AFF1: variants seen among roughly 807,000 people sequenced by gnomAD.
The protein encoded by AFF1 is AF4/FMR2 family member 1.
AFF1 carries 48 observed loss-of-function variants against 121.7 expected under a neutral mutation model. That is an observed-to-expected ratio of 0.39 (90% CI 0.31 to 0.50). The LOEUF (loss-of-function observed/expected upper bound fraction) is 0.50. Among genes scored for constraint, AFF1 ranks in the 20% least tolerant of loss-of-function variants. The probability of loss-of-function intolerance (pLI) is 0.76; values close to 1 mark genes in which losing one functional copy is unlikely to be tolerated. For missense variants in AFF1, 1,523 were observed against 1,511.7 expected, an observed-to-expected ratio of 1.01 and a Z score of -0.12; for synonymous variants, 613 against 563.0, an observed-to-expected ratio of 1.09 and a Z score of -1.26.
chr4:87,025,429 G>C (rs374708292), intron 2 of AFF1, among the ~76,000 whole-genome samples: 1 of 152,210 alleles, frequency 6.6e-6, no homozygotes, highest in Non-Finnish European at 1.5e-5. Context: ...CATCTCAGAC[G>C]TGCCGGTCAT....
chr4:87,007,575 T>A (rs1578046415), intron 2 of AFF1: 3 of 1,092,754 alleles, frequency 2.7e-6, no homozygotes, highest in Middle Eastern at 2.0e-4. Context: ...CTTGACTAAA[T>A]GTCAGATAAA....
intron 4 of AFF1, among the ~76,000 whole-genome samples, chr4:87,076,653 C>T (rs1722702711): frequency 6.6e-6 from 1 of 152,188 alleles, no homozygotes; most frequent in African/African-American, 2.4e-5. Context: ...TTTAGCATGG[C>T]TGTTTTTTGT....
At chr4:87,054,446 A>G (rs970536787) in intron 4 of AFF1, among the ~76,000 whole-genome samples, 1 of 152,182 alleles carries the variant, frequency 6.6e-6, no homozygotes, top group Admixed American at 6.5e-5. Flanking sequence ...TCCGTAGCTC[A>G]TGTTTTTCAT....
intron 12 of AFF1, among the ~76,000 whole-genome samples, chr4:87,123,759 A>T (rs1212837059): frequency 6.6e-6 from 1 of 152,182 alleles, no homozygotes; most frequent in Non-Finnish European, 1.5e-5. Flanking sequence ...GAGCCTACAC[A>T]TCTTAAATTA....
intron 2 of AFF1, among the ~76,000 whole-genome samples, chr4:87,022,014 C>T (rs1424633814): frequency 6.6e-6 from 1 of 152,094 alleles, no homozygotes; most frequent in East Asian, 1.9e-4. Flanking sequence ...ACCAGCCTAG[C>T]TGACATGGTG....
chr4:86,992,296 G>A (rs139013898), intron 2 of AFF1, among the ~76,000 whole-genome samples: 6 of 152,212 alleles, frequency 3.9e-5, no homozygotes, highest in African/African-American at 1.4e-4. Flanking sequence ...ATTGTACTTG[G>A]CTTAAAGGCT....
Position 87,047,080 on chromosome 4 carries a change from AGAAAGG to A in AFF1, c.546_551del (p.Lys182_Gly184delinsAsn), listed in dbSNP as rs758072547. The A allele has an allele frequency of 6.2e-7, 1 of 1,614,198 alleles. No individual in the cohort carries two copies. The highest frequency in any genetic ancestry group is 1.3e-5 in the African/African-American group (1 of 75,038). Reference sequence around the variant, plus strand: ...GAGGGGTTCGGCTCTAGTCATCACAAGAAAGGTGACCGAAGAGCTGACGGAGACCAC... The same window carrying A: ...GAGGGGTTCGGCTCTAGTCATCACAATGACCGAAGAGCTGACGGAGACCAC... On this transcript the variant is annotated inframe_deletion, in exon 4 of 21. Coordinates refer to ENST00000395146, the MANE Select transcript of AFF1 (RefSeq NM_001166693.3).
intron 4 of AFF1, among the ~76,000 whole-genome samples, chr4:87,076,496 G>C (rs1320782195): frequency 6.6e-6 from 1 of 152,190 alleles, no homozygotes; most frequent in Admixed American, 6.5e-5. Context: ...GGGATTAGAT[G>C]AAGTGTAGCT....
At chr4:86,976,474 G>C (rs2149485469) in intron 2 of AFF1, among the ~76,000 whole-genome samples, 1 of 152,272 alleles carries the variant, frequency 6.6e-6, no homozygotes, top group East Asian at 1.9e-4. Context: ...TTGCATCAAT[G>C]TGCATGGAGC....
intron 2 of AFF1, among the ~76,000 whole-genome samples, chr4:86,970,293 G>A (rs1722851624): frequency 6.6e-6 from 1 of 152,052 alleles, no homozygotes; most frequent in Admixed American, 6.6e-5. Context: ...TTCCAGACCA[G>A]CGTGGGTAAC....
At chr4:87,117,193 C>G (rs775786486) in intron 12 of AFF1, among the ~76,000 whole-genome samples, 7 of 152,232 alleles carry the variant, frequency 4.6e-5, no homozygotes, top group Non-Finnish European at 1.0e-4. Flanking sequence ...ACTTTCAGCT[C>G]TCACTGTTGA....
chr4:87,102,640 C>T (rs1725536071), intron 8 of AFF1, among the ~76,000 whole-genome samples: 1 of 152,000 alleles, frequency 6.6e-6, no homozygotes, highest in East Asian at 1.9e-4. Flanking sequence ...ATTCATTCAG[C>T]CTGCTGTTTT....
intron 4 of AFF1, among the ~76,000 whole-genome samples, chr4:87,052,373 A>G (rs1433953671): frequency 6.6e-6 from 1 of 152,172 alleles, no homozygotes; most frequent in Admixed American, 6.5e-5. Context: ...AGATACTGCC[A>G]CTGAACTCCA....
At chr4:87,134,942 C>G (rs1192018453) in intron 20 of AFF1, among the ~76,000 whole-genome samples, 2 of 152,146 alleles carry the variant, frequency 1.3e-5, no homozygotes, top group Admixed American at 6.5e-5. Flanking sequence ...AGCGCCTTGC[C>G]CCTTCTGAAG....
At chr4:86,998,517 G>GAGAT (rs1725425842) in intron 2 of AFF1, among the ~76,000 whole-genome samples, 2 of 152,156 alleles carry the variant, frequency 1.3e-5, no homozygotes, top group Admixed American at 6.5e-5. Context: ...GTTCCATTCA[G>GAGAT]AGATACCTAC....
At chr4:87,113,839 C>G (rs916497859) in intron 11 of AFF1, among the ~76,000 whole-genome samples, 8 of 152,068 alleles carry the variant, frequency 5.3e-5, no homozygotes, top group African/African-American at 1.2e-4. Flanking sequence ...GCACTCCAGC[C>G]TGGGCGACAG....
At chr4:87,023,378 T>G (rs971801488) in intron 2 of AFF1, among the ~76,000 whole-genome samples, 90 of 152,182 alleles carry the variant, frequency 5.9e-4, no homozygotes, top group African/African-American at 2.1e-3. Context: ...ATGTTTAAAT[T>G]ATCAGAAATA....
At chr4:87,131,719 G>A (rs1728846538) in intron 17 of AFF1, 74 bp from the exon 18 acceptor site, 4 of 1,253,332 alleles carry the variant, frequency 3.2e-6, no homozygotes, top group Admixed American at 2.5e-5. Flanking sequence ...AATATAAAAT[G>A]GAAACAAGCA....
rs540036209 is a variant in AFF1 at position 87,018,768 on chromosome 4, C to T, written c.39-27398C>T. Among the ~76,000 whole-genome samples, 9 of 152,280 alleles carry T rather than the reference C, an allele frequency of 5.9e-5. No homozygotes were observed. The East Asian group carries it at 1.7e-3, about 29-fold the overall frequency. ...CAAAGTGAGTACCATAACAACCTAG[C>T]TATGAACTTTAAAATAGAGACTATA... On this transcript the variant is annotated intron_variant, in intron 2 of 20. Transcript: ENST00000395146.
Sources: allele counts gnomAD v4.1 joint callset (sites outside exome capture counted in the v4.1 genomes callset), GRCh38; gene constraint gnomAD v4.1.1; transcripts MANE v1.5; gene names NCBI Gene and HGNC (gene_info 2026-07-23, HGNC 2026-07-21).